Variants in GDI2 observed in about 807,000 individuals in gnomAD.
The protein encoded by GDI2 is rab GDP dissociation inhibitor beta.
A neutral mutation model predicts 54.2 loss-of-function variants in GDI2; 22 were observed. The ratio of observed to expected loss-of-function variants is 0.41; its 90% CI spans 0.29 to 0.58. The LOEUF is 0.58. Ranked by LOEUF, GDI2 falls within the 20% of genes least tolerant of loss-of-function variation. The probability of loss-of-function intolerance (pLI) is 0.35; values close to 1 mark genes in which losing one functional copy is unlikely to be tolerated. For synonymous variants in GDI2, 177 were observed against 182.1 expected, an observed-to-expected ratio of 0.97 and a Z score of 0.23; for missense variants, 422 against 546.0, an observed-to-expected ratio of 0.77 and a Z score of 2.26.
intron 6 of GDI2, among the ~76,000 whole-genome samples, chr10:5,775,498 T>C (rs996680676): frequency 6.6e-6 from 1 of 152,102 alleles, no homozygotes; most frequent in Non-Finnish European, 1.5e-5. Context: ...TCCTATTGAT[T>C]TGAGATGTGA....
intron 4 of GDI2, among the ~76,000 whole-genome samples, chr10:5,791,843 G>T (rs982695970): frequency 6.6e-6 from 1 of 152,056 alleles, no homozygotes; most frequent in Non-Finnish European, 1.5e-5. Context: ...TTCAACTCAG[G>T]AGACAGAGGT....
intron 1 of GDI2, among the ~76,000 whole-genome samples, chr10:5,801,997 G>C (rs907246215): frequency 6.6e-6 from 1 of 152,128 alleles, no homozygotes; most frequent in Non-Finnish European, 1.5e-5. Context: ...GACAGAGCAA[G>C]ACTGAGTAGC....
intron 4 of GDI2, among the ~76,000 whole-genome samples, chr10:5,788,664 TA>T (rs1840932745): frequency 6.6e-6 from 1 of 152,222 alleles, no homozygotes; most frequent in South Asian, 2.1e-4. Context: ...CATTCAAAGC[TA>T]CCCTGGACCA....
At position 5,786,024 on chromosome 10, in the gene GDI2, G is replaced by A. The variant is rs372911228; in HGVS notation, c.415C>T (p.Arg139Cys). ...SSLMGLFEKR[R>C]FRKFLVYVAN... ...ACATACACTAGGAATTTCCTGAAGC[G>A]ACGTTTTTCAAACAATCCCATTAGG... is the stretch of plus-strand genomic sequence containing the variant. Residue 139 changes from arginine (R) to cysteine (C), a missense_variant, in exon 5 of 11, where the codon CGC (arginine) becomes TGC (cysteine). Physicochemically the swap from Arg to Cys is radical, Grantham distance 180. Coordinates refer to ENST00000380191, the MANE Select transcript of GDI2 (RefSeq NM_001494.4). The A allele has an allele frequency of 5.6e-6, 9 of 1,612,974 alleles. No homozygotes were observed. The highest frequency in any genetic ancestry group is 1.7e-5 in the Admixed American group (1 of 59,976).
chr10:5,768,188 A>C lies in GDI2; in HGVS notation c.991+25T>G. ...AATTATATCTTACAAAATTCTACCA[A>C]CATCTGCTGGTCTTCAAACCTCACC... On this transcript the variant is annotated intron_variant, in intron 8 of 10. Transcript: ENST00000380191. The surrounding 1 kb of genome is among the most constrained non-coding windows in gnomAD (Gnocchi z 4.4). The C allele has an allele frequency of 6.3e-7, 1 of 1,581,772 alleles. No individual in the cohort carries two copies. The highest frequency in any genetic ancestry group is 8.7e-7 in the Non-Finnish European group (1 of 1,152,642).
Position 5,765,993 on chromosome 10 carries a change from A to T in GDI2, c.*13T>A. Reference sequence around the variant, plus strand: ...TTAAATGTGTCCTAATTACATAATAACATGTACTGCTGTTAGTCTTCCCCA... The same window carrying T: ...TTAAATGTGTCCTAATTACATAATATCATGTACTGCTGTTAGTCTTCCCCA... On this transcript the variant is annotated 3_prime_UTR_variant, in exon 11 of 11. Transcript: ENST00000380191. 3 of 1,562,416 alleles carry T rather than the reference A, an allele frequency of 1.9e-6. No individual in the cohort carries two copies. Among genetic ancestry groups the T allele is most frequent in the Non-Finnish European group, 2.6e-6 (3 of 1,159,404 alleles).
intron 6 of GDI2, among the ~76,000 whole-genome samples, chr10:5,779,818 G>C (rs929838154): frequency 6.6e-6 from 1 of 151,184 alleles, no homozygotes; most frequent in Non-Finnish European, 1.5e-5. Context: ...TCAGCCTCCC[G>C]AATAGCTGGG....
chr10:5,798,850 C>T (rs768855480), intron 2 of GDI2, among the ~76,000 whole-genome samples: 1 of 118,996 alleles, frequency 8.4e-6, no homozygotes, highest in Non-Finnish European at 1.7e-5. Flanking sequence ...TGGTCCACAC[C>T]TGTAATCCCA....
intron 7 of GDI2, chr10:5,769,202 T>TA (rs1840429048): frequency 6.6e-6 from 1 of 151,786 alleles, no homozygotes; most frequent in South Asian, 2.1e-4. Context: ...TGAGAGAAAA[T>TA]ATCTGCAAAT....
At chr10:5,812,021 A>C (rs753853489) in intron 1 of GDI2, 12 of 393,666 alleles carry the variant, frequency 3.0e-5, no homozygotes, top group Non-Finnish European at 5.4e-5. Flanking sequence ...AAAAAATTTG[A>C]AGTGGAAGTC....
chr10:5,794,660 A>T (rs139019518), intron 4 of GDI2, among the ~76,000 whole-genome samples: 4 of 152,306 alleles, frequency 2.6e-5, no homozygotes, highest in African/African-American at 9.6e-5. Context: ...GCCACAAGGT[A>T]CATGATCTAT....
intron 7 of GDI2, among the ~76,000 whole-genome samples, chr10:5,773,285 A>C (rs1840541031): frequency 6.6e-6 from 1 of 152,158 alleles, no homozygotes; most frequent in South Asian, 2.1e-4. Context: ...CTACTGCAAG[A>C]ACTGTTGCAG....
chr10:5,784,853 G>A (rs574440694), intron 6 of GDI2, among the ~76,000 whole-genome samples: 14 of 152,324 alleles, frequency 9.2e-5, no homozygotes, highest in African/African-American at 3.4e-4. Context: ...AGTAGATTCT[G>A]TGAAGGTCCT....
At chr10:5,804,054 C>T (rs1378826898) in intron 1 of GDI2, among the ~76,000 whole-genome samples, 1 of 151,578 alleles carries the variant, frequency 6.6e-6, no homozygotes, top group Non-Finnish European at 1.5e-5. Context: ...AATTACTTAC[C>T]ATGAGGTTCA....
At chr10:5,771,843 G>A (rs1441562294) in intron 7 of GDI2, among the ~76,000 whole-genome samples, 2 of 152,178 alleles carry the variant, frequency 1.3e-5, no homozygotes, top group Non-Finnish European at 2.9e-5. Context: ...TGTAATCCCA[G>A]CACTTTGGGA....
At chr10:5,773,469 T>C (rs568905513) in intron 7 of GDI2, among the ~76,000 whole-genome samples, 12 of 152,278 alleles carry the variant, frequency 7.9e-5, no homozygotes, top group South Asian at 2.1e-4. Context: ...ACCAGATTAA[T>C]GATGCTTTAT....
intron 1 of GDI2, among the ~76,000 whole-genome samples, chr10:5,809,707 C>G (rs1841449230): frequency 6.6e-6 from 1 of 152,148 alleles, no homozygotes; most frequent in Non-Finnish European, 1.5e-5. Context: ...ACAATAGTCA[C>G]TGGGTTTAAA....
At chr10:5,801,282 CTGA>C in intron 1 of GDI2, among the ~76,000 whole-genome samples, 1 of 152,316 alleles carries the variant, frequency 6.6e-6, no homozygotes. Context: ...GACACTTCCA[CTGA>C]TGATGTAAAA....
intron 4 of GDI2, among the ~76,000 whole-genome samples, chr10:5,793,503 A>C (rs572490173): frequency 6.6e-6 from 1 of 152,238 alleles, no homozygotes; most frequent in East Asian, 1.9e-4. Context: ...AGTATTTTTT[A>C]CTTTCTGGCT....
Sources: gnomAD v4.1 joint callset for allele counts (sites outside exome capture counted in the v4.1 genomes callset) on GRCh38, gnomAD v4.1.1 for gene constraint, Gnocchi (gnomAD v3.1) non-coding constraint, MANE v1.5 for transcripts, NCBI Gene and HGNC (gene_info 2026-07-23, HGNC 2026-07-21) for gene names.